TOP3A: variants seen among roughly 807,000 people sequenced by gnomAD.
TOP3A encodes DNA topoisomerase 3-alpha.
TOP3A carries 64 observed loss-of-function variants against 111.3 expected under a neutral mutation model. The observed-to-expected ratio is 0.57, with a 90% CI of 0.47 to 0.71. The LOEUF is 0.71. Ranked by LOEUF, TOP3A falls within the 30% of genes least tolerant of loss-of-function variation. The pLI, the probability that TOP3A is intolerant of heterozygous loss-of-function variation, is 0.00. For synonymous variants in TOP3A, 484 were observed against 485.1 expected (o/e 1.00, Z 0.03); for missense variants, 1,104 against 1,285.0 (o/e 0.86, Z 2.15).
rs1230034439 is a variant in TOP3A, at chr17:18,273,773, CGT to C, written c.*1027_*1028del. On this transcript the variant is annotated 3_prime_UTR_variant, in exon 19 of 19. Transcript: ENST00000321105. ...GCCTCCTGAGCAGCTGAACTAAAGACGTGTACAACTGTGCTTGTTATATTTTT... is the reference window on the plus strand; with the variant it reads ...GCCTCCTGAGCAGCTGAACTAAAGACGTACAACTGTGCTTGTTATATTTTT... The C allele has an allele frequency of 6.6e-6, 1 of 152,006 alleles. No individual in the cohort carries two copies. The highest frequency in any genetic ancestry group is 2.4e-5 in the African/African-American group (1 of 41,360). The allele number at this position is 152,006 out of a possible 1,614,324, so 9.4% of individuals were successfully genotyped here.
chr17:18,293,619 C>T (rs1208592448), intron 10 of TOP3A, among the ~76,000 whole-genome samples: 4 of 146,130 alleles, frequency 2.7e-5, no homozygotes, highest in Admixed American at 6.8e-5. Flanking sequence ...CCCCAAGAGA[C>T]GGAGTCTTGC....
intron 1 of TOP3A, among the ~76,000 whole-genome samples, chr17:18,313,869 CA>C (rs1223448344): frequency 6.6e-6 from 1 of 152,158 alleles, no homozygotes; most frequent in Non-Finnish European, 1.5e-5. Context: ...AAAAGTTCTC[CA>C]GAAAACCATT....
intron 12 of TOP3A, 41 bp from the exon 13 acceptor site, chr17:18,290,727 A>T (rs781538075): frequency 3.4e-5 from 53 of 1,578,326 alleles, no homozygotes; most frequent in Non-Finnish European, 4.4e-5. Context: ...TGATTCCATC[A>T]GCACACTCAG....
intron 10 of TOP3A, among the ~76,000 whole-genome samples, chr17:18,293,189 C>T (rs1980586769): frequency 6.6e-6 from 1 of 152,264 alleles, no homozygotes; most frequent in African/African-American, 2.4e-5. Flanking sequence ...ATGAGACTCA[C>T]TGACCCTGAC....
rs543109098 is a variant in TOP3A at position 18,285,155 on chromosome 17, C to T, written c.1864G>A (p.Ala622Thr). The T allele has an allele frequency of 5.8e-5, 94 of 1,613,984 alleles. 4 individuals are homozygous for T. The South Asian group carries it at 9.8e-4, about 17-fold the overall frequency. ...TTAAGGACTTACTTCTTTGCTTTAG[C>T]CACCGCTTCAATGAAAACCTGCTTG... is the stretch of plus-strand genomic sequence containing the variant. ...KYKQVFIEAV[A>T]KAKKLDEALA... Residue 622 changes from alanine (A) to threonine (T), a missense_variant, in exon 15 of 19, where the codon GCT becomes ACT. Ala to Thr is a moderately conservative substitution (Grantham distance 58, BLOSUM62 0). Coordinates refer to ENST00000321105, the MANE Select transcript of TOP3A (RefSeq NM_004618.5).
rs1981249964 is a variant in TOP3A, at chr17:18,301,892, C to T, written c.908G>A (p.Cys303Tyr). 1.9e-6 allele frequency: 3 copies of T among 1,613,978 alleles called. No individual in the cohort carries two copies. Among genetic ancestry groups the T allele is most frequent in the Non-Finnish European group, 2.5e-6 (3 of 1,179,886 alleles). Reference sequence around the variant, plus strand: ...ATCATTAGGGGTTCTTACCTCCACACACAACTGATAGAGAACTAGGCAAGC... The same window carrying T: ...ATCATTAGGGGTTCTTACCTCCACATACAACTGATAGAGAACTAGGCAAGC... ...HTACLVLYQL[C>Y]VEDPMATVVE... The change falls in exon 8 of 19, where the codon TGT becomes TAT. Residue 303 changes from cysteine (C) to tyrosine (Y), a missense_variant. By Grantham distance (194) the Cys-to-Tyr change is radical. Coordinates refer to ENST00000321105, the MANE Select transcript of TOP3A (RefSeq NM_004618.5).
Position 18,282,791 on chromosome 17 carries a change from T to C in TOP3A, c.1928A>G (p.Gln643Arg). ...QYFGNGTELA[Q>R]QEDIYPAMPE... ...CATGGCTGGGTAGATATCTTCTTGC[T>C]GGGCCAACTCTGTCCCATTCCCAAA... Residue 643 changes from glutamine to arginine, a missense_variant, in exon 16 of 19, where the codon CAG becomes CGG. Gln to Arg is a conservative substitution (Grantham distance 43). Transcript: ENST00000321105. 6.2e-7 allele frequency: 1 copy of C among 1,614,216 alleles called. No homozygotes were observed. Among genetic ancestry groups the C allele is most frequent in the Non-Finnish European group, 8.5e-7 (1 of 1,180,040 alleles).
Position 18,302,731 on chromosome 17 carries a change from A to C in TOP3A, c.500-8T>G. ...CCTGCAGATTGGGCTTTACTGCAGA[A>C]CACAAGGTGTTACCAAGGTCAAAGT... On this transcript the variant is annotated splice_region_variant and splice_polypyrimidine_tract_variant and intron_variant, in intron 5 of 18. Transcript: ENST00000321105. 6.2e-7 allele frequency: 1 copy of C among 1,609,358 alleles called. No homozygotes were observed. The highest frequency in any genetic ancestry group is 8.5e-7 in the Non-Finnish European group (1 of 1,176,134).
rs908294196 is a variant in TOP3A, at chr17:18,314,461, C to A, written c.180+138G>T. 6 of 958,844 alleles carry A rather than the reference C, an allele frequency of 6.3e-6. No individual in the cohort carries two copies. In the Admixed American group the frequency reaches 1.5e-4, roughly 24 times the overall value. 59.4% of individuals were successfully genotyped at this position (958,844 alleles called of 1,614,324 possible). ...TCCGAGAGCAGACAGGAGGCCACTG[C>A]AATAATCCAGACGAGGGGCAGTGAG... On this transcript the variant is annotated intron_variant, in intron 1 of 18. Coordinates refer to ENST00000321105, the MANE Select transcript of TOP3A (RefSeq NM_004618.5).
chr17:18,275,057 G>A (rs1979254941), intron 18 of TOP3A, 77 bp from the exon 19 acceptor site: 2 of 1,536,904 alleles, frequency 1.3e-6, no homozygotes, highest in Non-Finnish European at 1.8e-6. Context: ...GGTGGCTCAT[G>A]CCTGTAATCC....
At chr17:18,276,383 C>T (rs962541027) in intron 18 of TOP3A, among the ~76,000 whole-genome samples, 2 of 152,166 alleles carry the variant, frequency 1.3e-5, no homozygotes, top group East Asian at 1.9e-4. Context: ...GGCCAGACTG[C>T]ATCTCACTTC....
chr17:18,274,387 C>G lies in TOP3A; in HGVS notation c.*415G>C, dbSNP rs1979195223. Reference sequence around the variant, plus strand: ...GACGTCTATGAGAAGCCCTGGGCAGCCTGGACAGGGACTGCCCCATGAGTG... The same window carrying G: ...GACGTCTATGAGAAGCCCTGGGCAGGCTGGACAGGGACTGCCCCATGAGTG... On this transcript the variant is annotated 3_prime_UTR_variant, in exon 19 of 19. Transcript: ENST00000321105. The G allele has an allele frequency of 6.3e-6, 1 of 158,534 alleles. No individual in the cohort carries two copies. The highest frequency in any genetic ancestry group is 2.4e-5 in the African/African-American group (1 of 41,684). The allele number at this position is 158,534 out of a possible 1,614,324, so 9.8% of individuals were successfully genotyped here. A position where few individuals can be genotyped will look rare whatever the true frequency, so the allele number is the denominator to read the frequency against.
chr17:18,290,460 T>G, intron 13 of TOP3A, 97 bp downstream of exon 13: 1 of 1,310,020 alleles, frequency 7.6e-7, no homozygotes. Flanking sequence ...ATATAGCAGC[T>G]GCATTAGAGA....
rs1164323613 is a variant in TOP3A, at chr17:18,305,486, A to ACACACACGCGCG, written c.391-267_391-266insCGCGCGTGTGTG. On this transcript the variant is annotated intron_variant, in intron 4 of 18. Coordinates refer to ENST00000321105, the MANE Select transcript of TOP3A (RefSeq NM_004618.5). ...TGAAATTCAGCTCTAACACACACAC[A>ACACACACGCGCG]CGCGCGCGCGCGCGCGCGCACGCAC... 2.5e-3 allele frequency among the ~76,000 whole-genome samples: 378 copies of ACACACACGCGCG among 149,480 alleles called. 3 individuals carry two copies. Among genetic ancestry groups the ACACACACGCGCG allele is most frequent in the African/African-American group, 7.9e-3 (321 of 40,442 alleles).
intron 18 of TOP3A, among the ~76,000 whole-genome samples, chr17:18,276,297 C>T (rs1567732411): frequency 6.6e-6 from 1 of 152,206 alleles, no homozygotes; most frequent in Non-Finnish European, 1.5e-5. Flanking sequence ...TCCAGACCAG[C>T]TGCTCATTTA....
chr17:18,305,905 C>A (rs1245462371), intron 4 of TOP3A, among the ~76,000 whole-genome samples: 1 of 151,516 alleles, frequency 6.6e-6, no homozygotes, highest in Non-Finnish European at 1.5e-5. Context: ...TTTATCAGTT[C>A]TCAATAAATT....
chr17:18,314,090 G>A (rs1982090307), intron 1 of TOP3A, among the ~76,000 whole-genome samples: 1 of 151,664 alleles, frequency 6.6e-6, no homozygotes, highest in South Asian at 2.1e-4. Context: ...ACCTTACCGT[G>A]TTGCTGTAAG....
intron 9 of TOP3A, among the ~76,000 whole-genome samples, chr17:18,299,122 A>G (rs1271770125): frequency 1.3e-5 from 2 of 152,046 alleles, no homozygotes; most frequent in African/African-American, 4.8e-5. Context: ...AATAAAAAAT[A>G]AAAAATAACA....
At chr17:18,285,971 G>A (rs1980066956) in intron 13 of TOP3A, among the ~76,000 whole-genome samples, 1 of 152,182 alleles carries the variant, frequency 6.6e-6, no homozygotes, top group Admixed American at 6.5e-5. Flanking sequence ...AGGCCAAGGT[G>A]GGCAGATCAT....
Sources: gnomAD v4.1 joint callset for allele counts (sites outside exome capture counted in the v4.1 genomes callset) on GRCh38, gnomAD v4.1.1 for gene constraint, MANE v1.5 for transcripts, NCBI Gene and HGNC (gene_info 2026-07-23, HGNC 2026-07-21) for gene names.